SMAD3: variants seen among roughly 807,000 people sequenced by gnomAD.
SMAD3 encodes the protein MAD homolog 3.
A neutral mutation model predicts 51.8 loss-of-function variants in SMAD3; 12 were observed. That is an observed-to-expected ratio of 0.23 (90% CI 0.15 to 0.38). The LOEUF (loss-of-function observed/expected upper bound fraction) is 0.38, where lower values mean the gene tolerates loss of function less well. Among genes scored for constraint, SMAD3 ranks in the 10% least tolerant of loss-of-function variants. The pLI, the probability that SMAD3 is intolerant of heterozygous loss-of-function variation, is 1.00. For synonymous variants in SMAD3, 238 were observed against 227.7 expected, an observed-to-expected ratio of 1.05 and a Z score of -0.41; for missense variants, 294 against 565.6, an observed-to-expected ratio of 0.52 and a Z score of 4.87.
intron 1 of SMAD3, among the ~76,000 whole-genome samples, chr15:67,093,378 C>T (rs557395176): frequency 5.3e-5 from 8 of 152,324 alleles, no homozygotes; most frequent in Non-Finnish European, 1.2e-4. Flanking sequence ...CTCGCCACCT[C>T]GGTGAGCCTC....
chr15:67,121,102 G>A (rs1484477437), intron 1 of SMAD3, among the ~76,000 whole-genome samples: 1 of 152,210 alleles, frequency 6.6e-6, no homozygotes, highest in Non-Finnish European at 1.5e-5. Context: ...GTAAGAATGT[G>A]TACTTCTTAG....
chr15:67,088,292 GTTC>G (rs945895197), intron 1 of SMAD3, among the ~76,000 whole-genome samples: 4 of 152,076 alleles, frequency 2.6e-5, no homozygotes, highest in African/African-American at 9.7e-5. Context: ...GGATCTCACT[GTTC>G]TTGTCTTAGC....
intron 1 of SMAD3, among the ~76,000 whole-genome samples, chr15:67,079,806 A>C (rs1960244801): frequency 6.6e-6 from 1 of 152,218 alleles, no homozygotes; most frequent in African/African-American, 2.4e-5. Context: ...GCCCCTCAAG[A>C]AAGGATGGCC....
chr15:67,102,723 G>A lies in SMAD3; in HGVS notation c.206+36363G>A, dbSNP rs540256589. Among the ~76,000 whole-genome samples the A allele has an allele frequency of 2.1e-3, 319 of 152,168 alleles. 2 individuals are homozygous for A. Among genetic ancestry groups the A allele is most frequent in the African/African-American group, 7.5e-3 (311 of 41,516 alleles). On this transcript the variant is annotated intron_variant, in intron 1 of 8. Coordinates refer to ENST00000327367, the MANE Select transcript of SMAD3 (RefSeq NM_005902.4). ...GCAGGGAGTGACGTTGAATGGACTG[G>A]GAAGATCTGGATATACCATGTTTCT... is the stretch of plus-strand genomic sequence containing the variant.
At position 67,167,347 on chromosome 15, in the gene SMAD3, G is replaced by A. The variant is rs535474713; in HGVS notation, c.607+494G>A. On this transcript the variant is annotated intron_variant, in intron 4 of 8. Transcript: ENST00000327367. ...GAGTGTCTAGCCCAGGGAGCTCAGC[G>A]TGGCTGGAGGATACACTCTCTCCAG... Among the ~76,000 whole-genome samples, 23 of 152,302 alleles carry A rather than the reference G, an allele frequency of 1.5e-4. No homozygotes were observed. In the East Asian group the frequency reaches 3.5e-3, roughly 23 times the overall value.
chr15:67,177,630 C>CCAGGCTGGT (rs1386074597), intron 5 of SMAD3, among the ~76,000 whole-genome samples: 2 of 151,924 alleles, frequency 1.3e-5, no homozygotes, highest in Non-Finnish European at 2.9e-5. Flanking sequence ...GCCAGGTTGG[C>CCAGGCTGGT]CAGGCTGGTC....
At chr15:67,105,193 C>T (rs964404464) in intron 1 of SMAD3, among the ~76,000 whole-genome samples, 1 of 152,218 alleles carries the variant, frequency 6.6e-6, no homozygotes. Flanking sequence ...CTCTGAGCCT[C>T]AGTTTACTCC....
At chr15:67,140,666 C>T (rs529001436) in intron 1 of SMAD3, among the ~76,000 whole-genome samples, 2 of 152,180 alleles carry the variant, frequency 1.3e-5, no homozygotes, top group Admixed American at 1.3e-4. Flanking sequence ...CATGCGAACC[C>T]AACTGTCCTG....
At chr15:67,069,526 G>A (rs1483927370) in intron 1 of SMAD3, among the ~76,000 whole-genome samples, 1 of 152,172 alleles carries the variant, frequency 6.6e-6, no homozygotes, top group Non-Finnish European at 1.5e-5. Flanking sequence ...CTGGTAGCTT[G>A]TACTTCCACC....
intron 8 of SMAD3, 76 bp downstream of exon 8, chr15:67,187,585 C>G: frequency 1.3e-6 from 2 of 1,558,376 alleles, no homozygotes; most frequent in Non-Finnish European, 1.8e-6. Context: ...CAGGGCTCCT[C>G]AGAGATGAGC....
At chr15:67,189,392 A>C (rs1277900239) in intron 8 of SMAD3, among the ~76,000 whole-genome samples, 1 of 152,148 alleles carries the variant, frequency 6.6e-6, no homozygotes, top group Non-Finnish European at 1.5e-5. Flanking sequence ...GTGGCATTGC[A>C]GCTCTCCCGC....
At chr15:67,151,943 A>G (rs1264146184) in intron 1 of SMAD3, among the ~76,000 whole-genome samples, 1 of 152,208 alleles carries the variant, frequency 6.6e-6, no homozygotes, top group Non-Finnish European at 1.5e-5. Flanking sequence ...GATTATACAT[A>G]GTAACAATCA....
At chr15:67,106,908 A>G (rs1960890718) in intron 1 of SMAD3, among the ~76,000 whole-genome samples, 1 of 152,134 alleles carries the variant, frequency 6.6e-6, no homozygotes, top group African/African-American at 2.4e-5. Flanking sequence ...ACCCCAGGGG[A>G]CCCAGAACGG....
chr15:67,161,735 C>T (rs148937830), intron 1 of SMAD3, among the ~76,000 whole-genome samples: 128 of 152,222 alleles, frequency 8.4e-4, no homozygotes, highest in Admixed American at 6.4e-3. Context: ...AGAATAATAA[C>T]GCTAATTTGT....
At chr15:67,118,189 C>T (rs959922870) in intron 1 of SMAD3, among the ~76,000 whole-genome samples, 3 of 152,190 alleles carry the variant, frequency 2.0e-5, no homozygotes, top group Non-Finnish European at 2.9e-5. Context: ...CTCACAGCGT[C>T]GGGGAAGATA....
intron 1 of SMAD3, among the ~76,000 whole-genome samples, chr15:67,066,712 C>T (rs1959929014): frequency 6.6e-6 from 1 of 152,136 alleles, no homozygotes; most frequent in Admixed American, 6.5e-5. Context: ...CTTTGTTCGG[C>T]TCCGCGGGCC....
intron 1 of SMAD3, among the ~76,000 whole-genome samples, chr15:67,090,632 C>T (rs1253800270): frequency 6.6e-6 from 1 of 152,036 alleles, no homozygotes; most frequent in African/African-American, 2.4e-5. Flanking sequence ...TAGGCTGAAT[C>T]CTGGTTTTCC....
At chr15:67,067,781 G>A (rs542911557) in intron 1 of SMAD3, among the ~76,000 whole-genome samples, 30 of 152,306 alleles carry the variant, frequency 2.0e-4, no homozygotes, top group African/African-American at 6.7e-4. Context: ...GTCTCTGGGC[G>A]TGTGATCGGG....
At chr15:67,121,224 C>T (rs946313909) in intron 1 of SMAD3, among the ~76,000 whole-genome samples, 1 of 152,236 alleles carries the variant, frequency 6.6e-6, no homozygotes, top group Non-Finnish European at 1.5e-5. Flanking sequence ...GGCGTGGAGC[C>T]CAGTGGGGAT....
Sources: gnomAD v4.1 joint callset for allele counts (sites outside exome capture counted in the v4.1 genomes callset) on GRCh38, gnomAD v4.1.1 for gene constraint, MANE v1.5 for transcripts, NCBI Gene and HGNC (gene_info 2026-07-23, HGNC 2026-07-21) for gene names.